The following TTC34 variants were observed in gnomAD, a reference collection of about 807,000 sequenced individuals.
The protein encoded by TTC34 is tetratricopeptide repeat domain 34.
TTC34 carries 44 observed loss-of-function variants against 40.7 expected under a neutral mutation model. The ratio of observed to expected loss-of-function variants is 1.08; its 90% CI spans 0.85 to 1.39. The LOEUF is 1.39. TTC34 is among the 40% of genes most tolerant of loss of function. The probability of loss-of-function intolerance (pLI) is 0.00; values close to 1 mark genes in which losing one functional copy is unlikely to be tolerated. For synonymous variants in TTC34, 422 were observed against 398.6 expected, an observed-to-expected ratio of 1.06 and a Z score of -0.70; for missense variants, 884 against 838.0, an observed-to-expected ratio of 1.05 and a Z score of -0.68.
rs1157209291 is a variant in TTC34 at position 2,700,391 on chromosome 1, C to G, written c.2227-54828G>C. ...CCCACAACCCCAGGTGAGTATCTGA[C>G]AGCCTGGAGCAGCACCCACACCCCT... is the stretch of plus-strand genomic sequence containing the variant. On this transcript the variant is annotated intron_variant, in intron 6 of 8. Coordinates refer to ENST00000401095, the Ensembl canonical transcript of TTC34. 1.8e-5 allele frequency among the ~76,000 whole-genome samples: 2 copies of G among 112,424 alleles called. 1 individual carries two copies. The allele number at this position is 112,424 out of a possible 152,430, so 73.8% of individuals were successfully genotyped here. A position where few individuals can be genotyped will look rare whatever the true frequency, so the allele number is the denominator to read the frequency against.
chr1:2,749,747 C>T (rs1641256419), intron 6 of TTC34, among the ~76,000 whole-genome samples: 1 of 70,922 alleles, frequency 1.4e-5, no homozygotes, highest in Admixed American at 1.4e-4. Flanking sequence ...ATCTGACAGA[C>T]TGGAACAGCT....
intron 6 of TTC34, among the ~76,000 whole-genome samples, chr1:2,754,807 C>G (rs1441781735): frequency 1.3e-5 from 2 of 150,200 alleles, no homozygotes; most frequent in African/African-American, 5.0e-5. Context: ...CAGCCTGGAA[C>G]AGAAACCACA....
chr1:2,755,782 AC>A (rs1641484821), intron 6 of TTC34, among the ~76,000 whole-genome samples: 1 of 112,426 alleles, frequency 8.9e-6, no homozygotes, highest in African/African-American at 4.2e-5. Flanking sequence ...CGGCACCCAC[AC>A]CCCCAGGTGA....
chr1:2,785,085 C>T (rs1247816083), intron 5 of TTC34, among the ~76,000 whole-genome samples: 1 of 152,202 alleles, frequency 6.6e-6, no homozygotes, highest in African/African-American at 2.4e-5. Flanking sequence ...CAAAATGAGC[C>T]CTCTGAATCC....
chr1:2,778,551 G>T (rs1643395359), intron 6 of TTC34, among the ~76,000 whole-genome samples: 1 of 152,208 alleles, frequency 6.6e-6, no homozygotes, highest in South Asian at 2.1e-4. Flanking sequence ...TTATGGGCTG[G>T]AGGAACCACT....
chr1:2,777,357 C>A (rs1643256520), intron 6 of TTC34, among the ~76,000 whole-genome samples: 1 of 150,662 alleles, frequency 6.6e-6, no homozygotes, highest in African/African-American at 2.4e-5. Context: ...ATCTGACAGC[C>A]TGGAGCAACA....
intron 6 of TTC34, among the ~76,000 whole-genome samples, chr1:2,686,021 C>G (rs1303484060): frequency 2.4e-5 from 3 of 123,860 alleles, no homozygotes; most frequent in African/African-American, 7.3e-5. Context: ...CATCTGACAG[C>G]CTGGAACAGC....
At chr1:2,782,323 A>T (rs564568495) in intron 6 of TTC34, among the ~76,000 whole-genome samples, 2 of 152,068 alleles carry the variant, frequency 1.3e-5, no homozygotes, top group South Asian at 4.2e-4. Flanking sequence ...AATTATTTTT[A>T]TTTCTGTAGA....
chr1:2,687,445 A>C (rs1247199418), intron 6 of TTC34, among the ~76,000 whole-genome samples: 1,334 of 41,080 alleles, frequency 0.032, no homozygotes, highest in East Asian at 0.059. Context: ...AGCACCCACA[A>C]CCACAGGTGA....
At chr1:2,781,132 A>T (rs959277574) in intron 6 of TTC34, among the ~76,000 whole-genome samples, 1 of 152,186 alleles carries the variant, frequency 6.6e-6, no homozygotes, top group African/African-American at 2.4e-5. Context: ...TTCCGAATCC[A>T]CAGCCAAATG....
intron 6 of TTC34, among the ~76,000 whole-genome samples, chr1:2,756,415 T>TCCCCAGGTGGGCATGCGACAGCCTGGAGC (rs1641507257): frequency 8.1e-5 from 1 of 12,284 alleles, no homozygotes; most frequent in Non-Finnish European, 1.3e-4. Context: ...CAGCCTGGAG[T>TCCCCAGGTGGGCATGCGACAGCCTGGAGC]AGCACCCACA....
intron 6 of TTC34, among the ~76,000 whole-genome samples, chr1:2,749,752 A>G (rs1481588905): frequency 7.6e-5 from 4 of 52,374 alleles, no homozygotes; most frequent in African/African-American, 2.0e-4. Flanking sequence ...ACAGACTGGA[A>G]CAGCTCCCAC....
At chr1:2,783,145 C>T (rs939390581) in intron 6 of TTC34, among the ~76,000 whole-genome samples, 8 of 152,134 alleles carry the variant, frequency 5.3e-5, no homozygotes, top group Non-Finnish European at 7.3e-5. Context: ...GATCAGGGTC[C>T]GGGGGCTGCA....
intron 6 of TTC34, among the ~76,000 whole-genome samples, chr1:2,688,473 T>C (rs1231030117): frequency 7.3e-6 from 1 of 136,100 alleles, no homozygotes; most frequent in African/African-American, 3.2e-5. Context: ...TCCGACATTG[T>C]GGAGCAGCAC....
chr1:2,773,038 G>A (rs1292903999), intron 6 of TTC34, among the ~76,000 whole-genome samples: 1 of 144,804 alleles, frequency 6.9e-6, no homozygotes. Flanking sequence ...GCATCTGACA[G>A]CCTGGAGCAG....
chr1:2,768,691 A>G (rs1641884764), intron 6 of TTC34, among the ~76,000 whole-genome samples: 2 of 149,602 alleles, frequency 1.3e-5, no homozygotes, highest in Admixed American at 1.3e-4. Context: ...GCATGGAACA[A>G]GACCACTGCC....
At chr1:2,787,751 C>T (rs1206047503) in intron 3 of TTC34, 45 bp from the exon 4 acceptor site, 24 of 1,433,456 alleles carry the variant, frequency 1.7e-5, no homozygotes, top group Non-Finnish European at 2.3e-5. Flanking sequence ...TTTGACAACC[C>T]CTCCACCTGC....
chr1:2,773,103 G>C (rs1320554557), intron 6 of TTC34, among the ~76,000 whole-genome samples: 4 of 149,774 alleles, frequency 2.7e-5, no homozygotes, highest in African/African-American at 9.9e-5. Flanking sequence ...CACACCCCCA[G>C]GCGAGCATCT....
At chr1:2,789,361 A>C in intron 3 of TTC34, 142 bp downstream of exon 3, 1 of 766,520 alleles carries the variant, frequency 1.3e-6, no homozygotes, top group Non-Finnish European at 2.0e-6. Flanking sequence ...CAGCGGAGCT[A>C]GACCTGCCTC....
Sources: allele counts gnomAD v4.1 joint callset (sites outside exome capture counted in the v4.1 genomes callset), GRCh38; gene constraint gnomAD v4.1.1; transcripts MANE v1.5; gene names NCBI Gene and HGNC (gene_info 2026-07-23, HGNC 2026-07-21).